HS3ST2: variants seen among roughly 807,000 people sequenced by gnomAD.
HS3ST2 encodes the protein heparan sulfate glucosamine 3-O-sulfotransferase 2.
HS3ST2 carries 17 observed loss-of-function variants against 26.3 expected under a neutral mutation model. The ratio of observed to expected loss-of-function variants is 0.65; its 90% confidence interval spans 0.44 to 0.97. The LOEUF (loss-of-function observed/expected upper bound fraction) is 0.97. Among genes scored for constraint, HS3ST2 ranks in the 50% least tolerant of loss-of-function variants. HS3ST2 has a pLI of 0.00. For synonymous variants in HS3ST2, 237 were observed against 219.2 expected, an observed-to-expected ratio of 1.08 and a Z score of -0.72; for missense variants, 402 against 501.2, an observed-to-expected ratio of 0.80 and a Z score of 1.89.
At chr16:22,853,726 G>T (rs916491118) in intron 1 of HS3ST2, among the ~76,000 whole-genome samples, 2 of 152,124 alleles carry the variant, frequency 1.3e-5, no homozygotes, top group Middle Eastern at 3.2e-3. Flanking sequence ...ACAGGCAGAG[G>T]TCCCTACAGC....
chr16:22,913,965 C>T (rs921934893), intron 1 of HS3ST2, among the ~76,000 whole-genome samples: 13 of 152,016 alleles, frequency 8.6e-5, no homozygotes, highest in African/African-American at 2.7e-4. Context: ...AGTGAGACCC[C>T]ATCTCTACAA....
At chr16:22,835,006 G>T (rs2141179705) in intron 1 of HS3ST2, among the ~76,000 whole-genome samples, 2 of 152,082 alleles carry the variant, frequency 1.3e-5, no homozygotes, top group East Asian at 3.9e-4. Context: ...GCTTATACTG[G>T]ATTGACTTTA....
intron 1 of HS3ST2, among the ~76,000 whole-genome samples, chr16:22,842,441 T>C (rs1042356263): frequency 6.6e-6 from 1 of 152,204 alleles, no homozygotes; most frequent in Non-Finnish European, 1.5e-5. Context: ...ATACAATGTA[T>C]TGTTATTAAC....
At chr16:22,825,667 T>C (rs1341317812) in intron 1 of HS3ST2, among the ~76,000 whole-genome samples, 1 of 152,168 alleles carries the variant, frequency 6.6e-6, no homozygotes, top group Non-Finnish European at 1.5e-5. Context: ...GGGGAACCTA[T>C]AGGGATGCTG....
At chr16:22,862,953 G>A (rs1188128949) in intron 1 of HS3ST2, among the ~76,000 whole-genome samples, 1 of 152,190 alleles carries the variant, frequency 6.6e-6, no homozygotes, top group Non-Finnish European at 1.5e-5. Context: ...AATCACATCT[G>A]CAAAAACTGC....
chr16:22,822,957 C>T lies in HS3ST2; in HGVS notation c.485+7862C>T, dbSNP rs192681560. On this transcript the variant is annotated intron_variant, in intron 1 of 1. Transcript: ENST00000261374. ...AAAATTAATCCCTTCCTTTCTACCT[C>T]GTCTTTCAGCCAAGAAGTTCCTCTT... Among the ~76,000 whole-genome samples the T allele has an allele frequency of 5.3e-5, 8 of 152,252 alleles. No homozygotes were observed. The East Asian group carries it at 7.7e-4, about 15-fold the overall frequency.
chr16:22,899,323 C>A (rs1034744066), intron 1 of HS3ST2, among the ~76,000 whole-genome samples: 1 of 152,072 alleles, frequency 6.6e-6, no homozygotes, highest in Non-Finnish European at 1.5e-5. Context: ...CCATACTCAG[C>A]CTAGTGCTGG....
intron 1 of HS3ST2, among the ~76,000 whole-genome samples, chr16:22,820,729 G>C (rs1900979610): frequency 6.6e-6 from 1 of 152,234 alleles, no homozygotes; most frequent in South Asian, 2.1e-4. Context: ...TTTGGGTGGG[G>C]ACACAGCCAA....
chr16:22,857,410 T>C (rs1395682822), intron 1 of HS3ST2, among the ~76,000 whole-genome samples: 1 of 152,206 alleles, frequency 6.6e-6, no homozygotes, highest in African/African-American at 2.4e-5. Flanking sequence ...TCGATGAGTA[T>C]TTGAGATGAT....
At chr16:22,815,751 G>A (rs1900856318) in intron 1 of HS3ST2, among the ~76,000 whole-genome samples, 1 of 152,166 alleles carries the variant, frequency 6.6e-6, no homozygotes, top group South Asian at 2.1e-4. Context: ...ACTTAAGCTT[G>A]AGCAAGTTTC....
At chr16:22,886,636 C>A (rs775760571) in intron 1 of HS3ST2, among the ~76,000 whole-genome samples, 2 of 152,148 alleles carry the variant, frequency 1.3e-5, no homozygotes, top group African/African-American at 4.8e-5. Context: ...TAGAGAGTGA[C>A]CTCTGTTTCA....
At chr16:22,877,026 G>T (rs1901929139) in intron 1 of HS3ST2, among the ~76,000 whole-genome samples, 1 of 152,184 alleles carries the variant, frequency 6.6e-6, no homozygotes, top group Non-Finnish European at 1.5e-5. Flanking sequence ...ATTGGGTACA[G>T]TGTACACTGC....
intron 1 of HS3ST2, among the ~76,000 whole-genome samples, chr16:22,818,846 C>CT (rs1321915722): frequency 5.8e-5 from 1 of 17,310 alleles, no homozygotes; most frequent in Non-Finnish European, 1.0e-4. Context: ...TCCTTCCTTC[C>CT]TCCCTCCCTC....
intron 1 of HS3ST2, among the ~76,000 whole-genome samples, chr16:22,889,151 C>T (rs150093522): frequency 1.3e-5 from 2 of 152,274 alleles, no homozygotes; most frequent in East Asian, 3.9e-4. Flanking sequence ...AATTCACATG[C>T]AAAAACTTGG....
chr16:22,826,351 G>A (rs1389681528), intron 1 of HS3ST2, among the ~76,000 whole-genome samples: 1 of 152,022 alleles, frequency 6.6e-6, no homozygotes. Flanking sequence ...AGCATCTCAG[G>A]TCTGGCTACT....
intron 1 of HS3ST2, among the ~76,000 whole-genome samples, chr16:22,858,328 T>A (rs1901628023): frequency 6.6e-6 from 1 of 150,660 alleles, no homozygotes; most frequent in Non-Finnish European, 1.5e-5. Context: ...ATCTAGTATG[T>A]GCCCACAAAT....
At chr16:22,825,988 A>G (rs1483855855) in intron 1 of HS3ST2, among the ~76,000 whole-genome samples, 1 of 152,112 alleles carries the variant, frequency 6.6e-6, no homozygotes, top group East Asian at 1.9e-4. Flanking sequence ...ATGCTGCTGC[A>G]CTCCAGCCTA....
At chr16:22,839,066 G>A (rs905063104) in intron 1 of HS3ST2, among the ~76,000 whole-genome samples, 4 of 152,204 alleles carry the variant, frequency 2.6e-5, no homozygotes, top group African/African-American at 9.7e-5. Flanking sequence ...TGACAACCCT[G>A]TAAACTCTCT....
intron 1 of HS3ST2, among the ~76,000 whole-genome samples, chr16:22,875,479 C>G (rs1045037868): frequency 2.0e-5 from 3 of 152,102 alleles, no homozygotes; most frequent in Non-Finnish European, 4.4e-5. Flanking sequence ...CTCCCGGGTT[C>G]AAGTGATTCT....
Sources: allele counts gnomAD v4.1 joint callset (sites outside exome capture counted in the v4.1 genomes callset), GRCh38; gene constraint gnomAD v4.1.1; transcripts MANE v1.5; gene names NCBI Gene and HGNC (gene_info 2026-07-23, HGNC 2026-07-21).